The following MALT1 variants were observed in gnomAD, a reference collection of about 807,000 sequenced individuals.
The protein encoded by MALT1 is MALT1 paracaspase.
Under a neutral mutation model 85.5 loss-of-function variants are expected in MALT1, and 36 were observed. That is an observed-to-expected ratio of 0.42 (90% CI 0.32 to 0.56). MALT1 has a LOEUF of 0.56. Among genes scored for constraint, MALT1 ranks in the 20% least tolerant of loss-of-function variants. The pLI, the probability that MALT1 is intolerant of heterozygous loss-of-function variation, is 0.10. For synonymous variants in MALT1, 359 were observed against 361.3 expected (o/e 0.99, Z 0.07); for missense variants, 716 against 981.6 (o/e 0.73, Z 3.62).
rs1238233846 is a variant in MALT1, at chr18:58,710,033, C to G, written c.886C>G (p.Arg296Gly). 2 of 1,611,756 alleles carry G rather than the reference C, an allele frequency of 1.2e-6. No homozygotes were observed. The highest frequency in any genetic ancestry group is 2.7e-5 in the African/African-American group (2 of 74,788). The stretch of plus-strand genomic sequence containing the variant: ...CTACTGGTGTCATGTATATAATGAT[C>G]GAGACAGTCAAGATAGCAAGAAGGT... ...GTYWCHVYNDRDSQDSKKVEI... is the reference protein window; with the variant it reads ...GTYWCHVYNDGDSQDSKKVEI... The change falls in exon 6 of 17, where the codon CGA becomes GGA. Residue 296 changes from arginine (R) to glycine (G), a missense_variant. This residue lies in a region of MALT1 where 290 missense variants were observed against 380.5 expected (regional missense o/e 0.76). Transcript: ENST00000649217.
intron 13 of MALT1, among the ~76,000 whole-genome samples, chr18:58,739,288 T>C (rs1274662587): frequency 6.6e-6 from 1 of 152,182 alleles, no homozygotes; most frequent in African/African-American, 2.4e-5. Context: ...TACTTTCTTA[T>C]AGTATTTGGT....
At position 58,748,210 on chromosome 18, in the gene MALT1, AGGCATAACCT is replaced by A. The variant is rs1327299198; in HGVS notation, c.*369_*378del. 2 of 256,394 alleles carry A rather than the reference AGGCATAACCT, an allele frequency of 7.8e-6. No homozygotes were observed. The highest frequency in any genetic ancestry group is 4.4e-5 in the African/African-American group (2 of 45,026). 15.9% of individuals were successfully genotyped at this position (256,394 alleles called of 1,614,324 possible). ...ACCAGAAAGAACCTTGCCGATCACC[AGGCATAACCT>A]AATTTTATCCATGGAAGAAACACAG... is the stretch of plus-strand genomic sequence containing the variant. On this transcript the variant is annotated 3_prime_UTR_variant, in exon 17 of 17. Transcript: ENST00000649217.
At chr18:58,725,495 A>C (rs1024295332) in intron 10 of MALT1, among the ~76,000 whole-genome samples, 10 of 152,204 alleles carry the variant, frequency 6.6e-5, no homozygotes, top group African/African-American at 2.4e-4. Flanking sequence ...CTGTATTTTC[A>C]ATCTGGCATC....
At chr18:58,677,025 A>T (rs934086062) in intron 1 of MALT1, among the ~76,000 whole-genome samples, 1 of 152,234 alleles carries the variant, frequency 6.6e-6, no homozygotes, top group Admixed American at 6.5e-5. Context: ...TGTTTCAGTC[A>T]TAAAGCAGTT....
chr18:58,699,610 A>G (rs983692949), intron 3 of MALT1, among the ~76,000 whole-genome samples: 3 of 152,246 alleles, frequency 2.0e-5, no homozygotes, highest in Non-Finnish European at 4.4e-5. Flanking sequence ...AAAGTTCAGC[A>G]TCCCAAATCT....
intron 2 of MALT1, among the ~76,000 whole-genome samples, chr18:58,682,043 C>A (rs774733316): frequency 2.6e-5 from 4 of 152,054 alleles, no homozygotes; most frequent in Non-Finnish European, 5.9e-5. Flanking sequence ...ACCTGGGGAT[C>A]CAGTGGGCCA....
intron 2 of MALT1, among the ~76,000 whole-genome samples, chr18:58,695,930 G>C (rs1334947501): frequency 1.3e-5 from 2 of 152,182 alleles, no homozygotes; most frequent in Admixed American, 6.5e-5. Context: ...AACAGTGCAC[G>C]TAACTTGACT....
At chr18:58,738,811 G>T (rs1288063581) in intron 13 of MALT1, among the ~76,000 whole-genome samples, 1 of 151,906 alleles carries the variant, frequency 6.6e-6, no homozygotes, top group Non-Finnish European at 1.5e-5. Flanking sequence ...GTGTGTGTGT[G>T]TTTTGGCTTA....
intron 4 of MALT1, among the ~76,000 whole-genome samples, chr18:58,708,056 C>T (rs992039444): frequency 6.6e-6 from 1 of 152,160 alleles, no homozygotes; most frequent in African/African-American, 2.4e-5. Context: ...TCTGAGACCC[C>T]CCTGCCTAGC....
Position 58,754,256 on chromosome 18 carries a change from G to A in MALT1, c.*6414G>A, listed in dbSNP as rs2055483432. The A allele has an allele frequency of 1.3e-5, 2 of 152,174 alleles. No individual in the cohort carries two copies. Among genetic ancestry groups the A allele is most frequent in the Admixed American group, 1.3e-4 (2 of 15,284 alleles). The allele number at this position is 152,174 out of a possible 1,614,324, so 9.4% of individuals were successfully genotyped here. ...ACCGTAACGGGAAAAGTACACAACAGTGTCTTAATATTTCATTCTTCCATG... is the reference window on the plus strand; with the variant it reads ...ACCGTAACGGGAAAAGTACACAACAATGTCTTAATATTTCATTCTTCCATG... On this transcript the variant is annotated 3_prime_UTR_variant, in exon 17 of 17. Transcript: ENST00000649217.
At chr18:58,733,071 C>T (rs771010839) in intron 10 of MALT1, among the ~76,000 whole-genome samples, 2 of 152,042 alleles carry the variant, frequency 1.3e-5, no homozygotes, top group Non-Finnish European at 2.9e-5. Context: ...CCACCACGCC[C>T]AGCCAATTTT....
chr18:58,689,162 A>G (rs2054456959), intron 2 of MALT1, among the ~76,000 whole-genome samples: 1 of 147,548 alleles, frequency 6.8e-6, no homozygotes, highest in African/African-American at 2.6e-5. Flanking sequence ...AAAAAAACAA[A>G]AAGACAGAAT....
chr18:58,707,217 G>A (rs1225652129), intron 4 of MALT1, among the ~76,000 whole-genome samples: 1 of 151,024 alleles, frequency 6.6e-6, no homozygotes, highest in African/African-American at 2.4e-5. Flanking sequence ...ATTTCTCACT[G>A]CTGAAATTGT....
chr18:58,709,756 T>C (rs560310372), intron 5 of MALT1, among the ~76,000 whole-genome samples, 200 bp downstream of exon 5: 4 of 152,358 alleles, frequency 2.6e-5, no homozygotes, highest in East Asian at 1.9e-4. Context: ...CAGGCTTATA[T>C]GTAAAATGTC....
At chr18:58,684,437 C>A (rs1284859484) in intron 2 of MALT1, among the ~76,000 whole-genome samples, 7 of 98,076 alleles carry the variant, frequency 7.1e-5, no homozygotes, top group African/African-American at 2.4e-4. Flanking sequence ...CTAAGATTTA[C>A]TCTTTTTTTT....
chr18:58,735,949 T>C (rs1187211802), intron 13 of MALT1, among the ~76,000 whole-genome samples: 4 of 152,126 alleles, frequency 2.6e-5, no homozygotes, highest in Non-Finnish European at 5.9e-5. Context: ...TTTCAGTAGA[T>C]TGCACTGTGT....
At chr18:58,736,870 C>T (rs748068306) in intron 13 of MALT1, among the ~76,000 whole-genome samples, 2 of 152,188 alleles carry the variant, frequency 1.3e-5, no homozygotes, top group Non-Finnish European at 2.9e-5. Flanking sequence ...CTAATAGTAT[C>T]ATGATAAATA....
chr18:58,701,002 A>G (rs2054663731), intron 4 of MALT1, among the ~76,000 whole-genome samples: 2 of 152,162 alleles, frequency 1.3e-5, no homozygotes, highest in African/African-American at 4.8e-5. Context: ...CATGTTGGCC[A>G]GGCTGGTCTT....
At chr18:58,717,419 T>TA (rs2054918356) in intron 9 of MALT1, among the ~76,000 whole-genome samples, 2 of 151,952 alleles carry the variant, frequency 1.3e-5, no homozygotes, top group African/African-American at 4.8e-5. Flanking sequence ...ATATAGATCT[T>TA]ATTCTATGGC....
Sources: gnomAD v4.1 joint callset for allele counts (sites outside exome capture counted in the v4.1 genomes callset) on GRCh38, gnomAD v4.1.1 for gene constraint, gnomAD v4.1.1 regional missense constraint, MANE v1.5 for transcripts, NCBI Gene and HGNC (gene_info 2026-07-23, HGNC 2026-07-21) for gene names.